AVEN: variants seen among roughly 807,000 people sequenced by gnomAD.
AVEN encodes the protein cell death regulator Aven.
AVEN carries 41 observed loss-of-function variants against 38.1 expected under a neutral mutation model. The ratio of observed to expected loss-of-function variants is 1.08; its 90% CI spans 0.84 to 1.40. AVEN has a LOEUF of 1.40. Ranked by LOEUF, AVEN falls within the 40% of genes most tolerant of loss-of-function variation. AVEN has a pLI of 0.00. For missense variants in AVEN, 605 were observed against 438.8 expected, an observed-to-expected ratio of 1.38 and a Z score of -3.38; for synonymous variants, 206 against 171.8, an observed-to-expected ratio of 1.20 and a Z score of -1.56.
intron 2 of AVEN, among the ~76,000 whole-genome samples, chr15:33,907,819 G>A (rs1305725989): frequency 6.7e-6 from 1 of 148,286 alleles, no homozygotes; most frequent in African/African-American, 2.5e-5. Context: ...ATGGAGTAAA[G>A]ATTTCAACAT....
intron 2 of AVEN, among the ~76,000 whole-genome samples, chr15:33,962,186 A>G (rs1385002188): frequency 4.6e-5 from 7 of 152,170 alleles, no homozygotes; most frequent in African/African-American, 1.4e-4. Context: ...GGAATGGGGG[A>G]AAAAAGGACC....
chr15:34,070,003 G>A (rs560162785), intron 2 of AVEN, among the ~76,000 whole-genome samples: 2 of 152,166 alleles, frequency 1.3e-5, no homozygotes, highest in East Asian at 1.9e-4. Context: ...AAATACCCAC[G>A]ACTGGGTAAT....
chr15:34,012,361 C>T (rs1475823150), intron 1 of AVEN, among the ~76,000 whole-genome samples: 1 of 152,146 alleles, frequency 6.6e-6, no homozygotes, highest in South Asian at 2.1e-4. Flanking sequence ...TAAAGGTCAT[C>T]TGTATAAAAA....
chr15:33,882,141 C>T (rs766558177), intron 2 of AVEN, among the ~76,000 whole-genome samples: 4 of 152,028 alleles, frequency 2.6e-5, no homozygotes, highest in Non-Finnish European at 4.4e-5. Context: ...ATATAATATC[C>T]TCAAACAAGA....
chr15:33,946,469 T>C (rs1894512291), intron 2 of AVEN, among the ~76,000 whole-genome samples: 1 of 152,192 alleles, frequency 6.6e-6, no homozygotes, highest in Non-Finnish European at 1.5e-5. Context: ...AATTCCTGGA[T>C]GCCAGGCTCA....
At chr15:33,963,982 A>G (rs534108103) in intron 2 of AVEN, among the ~76,000 whole-genome samples, 1 of 151,476 alleles carries the variant, frequency 6.6e-6, no homozygotes. Flanking sequence ...AATCTAAAAG[A>G]CTCCAGTCAT....
chr15:33,996,926 T>G (rs1896960043), intron 2 of AVEN, among the ~76,000 whole-genome samples: 1 of 152,208 alleles, frequency 6.6e-6, no homozygotes, highest in African/African-American at 2.4e-5. Context: ...AAGGAGGCTG[T>G]TCGAACCCAT....
intron 2 of AVEN, among the ~76,000 whole-genome samples, chr15:33,894,092 A>G (rs1207945298): frequency 2.0e-5 from 3 of 151,932 alleles, no homozygotes; most frequent in Admixed American, 6.6e-5. Context: ...TGGGACTACA[A>G]GTCAGCACAA....
chr15:33,900,252 G>A (rs1428802864), intron 2 of AVEN, among the ~76,000 whole-genome samples: 1 of 152,016 alleles, frequency 6.6e-6, no homozygotes, highest in East Asian at 1.9e-4. Context: ...TCTCAACTGT[G>A]TGAGATTACA....
intron 5 of AVEN, among the ~76,000 whole-genome samples, chr15:34,053,866 G>T (rs1900032993): frequency 6.6e-6 from 1 of 152,068 alleles, no homozygotes. Context: ...CACAGCAAAA[G>T]AAACTATCAT....
At chr15:33,954,258 T>C (rs545914160) in intron 2 of AVEN, among the ~76,000 whole-genome samples, 7 of 152,286 alleles carry the variant, frequency 4.6e-5, no homozygotes, top group African/African-American at 1.7e-4. Flanking sequence ...TCCTCAAGGA[T>C]CTAGAACTAG....
chr15:33,970,576 T>C (rs1391934486), intron 2 of AVEN, among the ~76,000 whole-genome samples: 1 of 151,964 alleles, frequency 6.6e-6, no homozygotes, highest in Non-Finnish European at 1.5e-5. Context: ...TCCCTCCTTA[T>C]TATGGTATTA....
At chr15:33,854,414 C>G (rs1417752886), downstream of AVEN, 7 of 1,575,358 alleles carry the variant, frequency 4.4e-6, no homozygotes, top group Non-Finnish European at 4.3e-6. Flanking sequence ...CATGAAGTAC[C>G]ATATCTGGAA....
intron 3 of AVEN, among the ~76,000 whole-genome samples, chr15:33,873,029 G>C (rs964654786): frequency 6.7e-6 from 1 of 149,120 alleles, no homozygotes; most frequent in East Asian, 2.0e-4. Context: ...TTTTGGACAT[G>C]TCTCCCTATC....
intron 2 of AVEN, among the ~76,000 whole-genome samples, chr15:33,998,149 G>A (rs533305692): frequency 3.3e-5 from 5 of 152,010 alleles, no homozygotes; most frequent in South Asian, 2.1e-4. Context: ...TCCAATTACA[G>A]TTGGAAAACT....
At chr15:34,069,416 C>G (rs1900587215) in intron 2 of AVEN, among the ~76,000 whole-genome samples, 1 of 151,770 alleles carries the variant, frequency 6.6e-6, no homozygotes, top group Non-Finnish European at 1.5e-5. Context: ...CGTGCCACGG[C>G]ACTCCAGCCT....
chr15:33,900,880 C>G (rs1892468856), intron 2 of AVEN, among the ~76,000 whole-genome samples: 1 of 152,142 alleles, frequency 6.6e-6, no homozygotes, highest in African/African-American at 2.4e-5. Context: ...TATCTTCTAC[C>G]TTTCCTTCAA....
At chr15:33,857,900 G>A (rs431825174), downstream of AVEN, 46 of 1,613,984 alleles carry the variant, frequency 2.9e-5, no homozygotes, top group Admixed American at 8.3e-5. Context: ...TATGAAGTGC[G>A]ACGACATGAT....
At chr15:33,891,849 A>G (rs915138988) in intron 2 of AVEN, among the ~76,000 whole-genome samples, 1 of 152,186 alleles carries the variant, frequency 6.6e-6, no homozygotes, top group Non-Finnish European at 1.5e-5. Flanking sequence ...CCCACCAACA[A>G]AGTAAAAGCA....
Sources: gnomAD v4.1 joint callset for allele counts (sites outside exome capture counted in the v4.1 genomes callset) on GRCh38, gnomAD v4.1.1 for gene constraint, MANE v1.5 for transcripts, NCBI Gene and HGNC (gene_info 2026-07-23, HGNC 2026-07-21) for gene names.